The following CD300A variants were observed in gnomAD, a reference collection of about 807,000 sequenced individuals.
The protein encoded by CD300A is CMRF35-like molecule 8.
A neutral mutation model predicts 33.6 loss-of-function variants in CD300A; 22 were observed. The ratio of observed to expected loss-of-function variants is 0.66; its 90% CI spans 0.47 to 0.94. The LOEUF (loss-of-function observed/expected upper bound fraction) is 0.94, where lower values mean the gene tolerates loss of function less well. Ranked by LOEUF, CD300A falls within the 40% of genes least tolerant of loss-of-function variation. The pLI, the probability that CD300A is intolerant of heterozygous loss-of-function variation, is 0.00. For synonymous variants in CD300A, 136 were observed against 148.1 expected (o/e 0.92, Z 0.59); for missense variants, 326 against 360.5 (o/e 0.90, Z 0.77).
chr17:74,483,019 C>G (rs1283873686), intron 6 of CD300A, among the ~76,000 whole-genome samples: 1 of 152,070 alleles, frequency 6.6e-6, no homozygotes, highest in African/African-American at 2.4e-5. Flanking sequence ...CAGCTCCTGG[C>G]CAAGTTTCTG....
rs1555636728 is a variant in CD300A, at chr17:74,468,045, A to ATTTTTTTT, written c.40+1308_40+1309insTTTTTTTT. Among the ~76,000 whole-genome samples the ATTTTTTTT allele has an allele frequency of 4.9e-4, 65 of 132,978 alleles. 1 individual carries two copies. The highest frequency in any genetic ancestry group is 2.0e-3 in the African/African-American group (60 of 30,318). 87.2% of individuals were successfully genotyped at this position (132,978 alleles called of 152,430 possible). A position where few individuals can be genotyped will look rare whatever the true frequency, so the allele number is the denominator to read the frequency against. The stretch of plus-strand genomic sequence containing the variant: ...TATTTATTTATTTATTTATTTATTT[A>ATTTTTTTT]TTTTTTGAGATGGAGTTTTGCTCTT... On this transcript the variant is annotated intron_variant, in intron 1 of 6. Coordinates refer to ENST00000360141, the MANE Select transcript of CD300A (RefSeq NM_007261.4).
chr17:74,469,902 T>C, intron 1 of CD300A: 1 of 937,626 alleles, frequency 1.1e-6, no homozygotes, highest in Non-Finnish European at 1.3e-6. Flanking sequence ...CTAACTCCAC[T>C]GTTTTTCTGT....
chr17:74,481,570 A>C, intron 5 of CD300A, 156 bp from the exon 6 acceptor site: 1 of 660,698 alleles, frequency 1.5e-6, no homozygotes, highest in Non-Finnish European at 2.6e-6. Context: ...GACCTGGGGA[A>C]CATTAAACTA....
chr17:74,475,262 A>G (rs1368143357), intron 3 of CD300A, among the ~76,000 whole-genome samples: 1 of 152,158 alleles, frequency 6.6e-6, no homozygotes, highest in East Asian at 1.9e-4. Flanking sequence ...AGTATGGAGC[A>G]AACCACCCCC....
intron 1 of CD300A, among the ~76,000 whole-genome samples, chr17:74,472,971 C>T (rs529391749): frequency 2.0e-5 from 3 of 152,156 alleles, no homozygotes; most frequent in African/African-American, 7.2e-5. Context: ...CTTGGTGGGA[C>T]CAGATCAGTG....
At chr17:74,469,494 T>A (rs569814707) in intron 1 of CD300A, among the ~76,000 whole-genome samples, 10 of 152,334 alleles carry the variant, frequency 6.6e-5, no homozygotes, top group African/African-American at 2.4e-4. Flanking sequence ...TATATCTGCG[T>A]CTTCTTTATT....
In CD300A at chr17:74,474,532, C is replaced by T. The variant is rs201023984; in HGVS notation, c.380C>T (p.Ala127Val). 3.7e-5 allele frequency: 60 copies of T among 1,613,824 alleles called. 1 individual carries two copies. In the East Asian group the frequency reaches 1.3e-3, roughly 35 times the overall value. Reference sequence around the variant, plus strand: ...GTCTGACTTGTGGTTTTGCCACCAGCATCAACGTCAATGACACCTGCAAGT... The same window carrying T: ...GTCTGACTTGTGGTTTTGCCACCAGTATCAACGTCAATGACACCTGCAAGT... ...VVEVEVSVFP[A>V]STSMTPASIT... The change falls in exon 3 of 7, where the codon GCA becomes GTA. Residue 127 changes from alanine to valine, a missense_variant and splice_region_variant. Physicochemically the swap from Ala to Val is moderately conservative, Grantham distance 64. Coordinates refer to ENST00000360141, the MANE Select transcript of CD300A (RefSeq NM_007261.4).
At chr17:74,466,868 C>A in intron 1 of CD300A, 125 bp downstream of exon 1, 3 of 1,528,884 alleles carry the variant, frequency 2.0e-6, no homozygotes, top group Non-Finnish European at 1.8e-6. Flanking sequence ...GAATGCGGTG[C>A]GCTCTGTCTA....
At chr17:74,481,441 C>A (rs767893206) in intron 5 of CD300A, 115 bp downstream of exon 5, 332 of 950,554 alleles carry the variant, frequency 3.5e-4, no homozygotes, top group Middle Eastern at 9.7e-4. Context: ...GGGAGCTCAC[C>A]CAGAGCAGGA....
At chr17:74,474,099 T>C (rs928319540) in intron 2 of CD300A, among the ~76,000 whole-genome samples, 4 of 151,940 alleles carry the variant, frequency 2.6e-5, no homozygotes, top group African/African-American at 9.7e-5. Flanking sequence ...TGAGAGAGCG[T>C]TGCCTGTGAA....
In CD300A at chr17:74,481,592, G is replaced by C. The variant is rs532349345; in HGVS notation, c.667-134G>C. On this transcript the variant is annotated intron_variant, in intron 5 of 6. Transcript: ENST00000360141. The stretch of plus-strand genomic sequence containing the variant: ...GGAACATTAAACTACTGGACGGAGT[G>C]GGGTGGAGGCAGGAAGGGGAAGGTG... The C allele has an allele frequency of 5.7e-6, 4 of 700,850 alleles. No individual in the cohort carries two copies. In the East Asian group the frequency reaches 8.1e-5, roughly 14 times the overall value. 43.4% of individuals were successfully genotyped at this position (700,850 alleles called of 1,614,324 possible).
chr17:74,481,987 T>C (rs1177655842), intron 6 of CD300A, among the ~76,000 whole-genome samples, 154 bp downstream of exon 6: 1 of 148,780 alleles, frequency 6.7e-6, no homozygotes, highest in African/African-American at 2.5e-5. Context: ...GTGTAGATTT[T>C]GCCAGAGCAG....
At position 74,474,569 on chromosome 17, in the gene CD300A, C is replaced by G. The variant is rs753167623; in HGVS notation, c.417C>G (p.Ala139=). The G allele has an allele frequency of 6.2e-6, 10 of 1,614,072 alleles. No homozygotes were observed. The change falls in exon 3 of 7, where the codon GCC becomes GCG. Residue 139 remains alanine (A), a synonymous_variant. Transcript: ENST00000360141. ...TGACACCTGCAAGTATCACTGCGGC[C>G]AAGACCTCAACAATCACAACTGCAT... ...TSMTPASITA[A]KTSTITTAFP...
At chr17:74,481,448 A>G (rs1336924960) in intron 5 of CD300A, 122 bp downstream of exon 5, 2 of 872,660 alleles carry the variant, frequency 2.3e-6, no homozygotes, top group Non-Finnish European at 3.8e-6. Flanking sequence ...CACCCAGAGC[A>G]GGACGAATGA....
At chr17:74,479,744 C>G (rs1356042658) in intron 4 of CD300A, among the ~76,000 whole-genome samples, 2 of 152,158 alleles carry the variant, frequency 1.3e-5, no homozygotes, top group Non-Finnish European at 2.9e-5. Context: ...CTGTCCCCTG[C>G]TTTGCAAGTC....
chr17:74,482,422 A>G (rs574824356), intron 6 of CD300A, among the ~76,000 whole-genome samples: 6 of 150,566 alleles, frequency 4.0e-5, no homozygotes, highest in African/African-American at 1.5e-4. Flanking sequence ...GTGTGGTGCC[A>G]TGGAGGGCTG....
At chr17:74,474,483 G>A in intron 2 of CD300A, 49 bp from the exon 3 acceptor site, 1 of 1,594,576 alleles carries the variant, frequency 6.3e-7, no homozygotes, top group Middle Eastern at 1.7e-4. Flanking sequence ...TGAGTGGTGG[G>A]AGAGCCAGAG....
At chr17:74,470,007 C>T (rs980529807) in intron 1 of CD300A, 8 of 985,320 alleles carry the variant, frequency 8.1e-6, no homozygotes, top group Non-Finnish European at 9.6e-6. Flanking sequence ...CCTCTTCTGA[C>T]CTCTTGAGTT....
chr17:74,467,665 GT>G (rs1905814915), intron 1 of CD300A, among the ~76,000 whole-genome samples: 1 of 152,186 alleles, frequency 6.6e-6, no homozygotes, highest in African/African-American at 2.4e-5. Context: ...CAGATCGGAG[GT>G]TTTCTGCAAT....
Sources: gnomAD v4.1 joint callset for allele counts (sites outside exome capture counted in the v4.1 genomes callset) on GRCh38, gnomAD v4.1.1 for gene constraint, MANE v1.5 for transcripts, NCBI Gene and HGNC (gene_info 2026-07-23, HGNC 2026-07-21) for gene names.